TRIM14: variants seen among roughly 807,000 people sequenced by gnomAD.
TRIM14 encodes the protein tripartite motif containing 14, also known as tripartite motif-containing protein 14.
In TRIM14, 28 loss-of-function variants were observed where a neutral mutation model predicts 44.5. That is an observed-to-expected ratio of 0.63 (90% CI 0.47 to 0.86). The LOEUF is 0.86. TRIM14 is among the 40% of genes least tolerant of loss of function. The probability of loss-of-function intolerance (pLI) is 0.00; values close to 1 mark genes in which losing one functional copy is unlikely to be tolerated. For synonymous variants in TRIM14, 299 were observed against 269.2 expected (o/e 1.11, Z -1.08); for missense variants, 607 against 611.1 (o/e 0.99, Z 0.07).
chr9:98,093,555 T>C (rs557520845), intron 4 of TRIM14, among the ~76,000 whole-genome samples: 1 of 152,224 alleles, frequency 6.6e-6, no homozygotes, highest in East Asian at 1.9e-4. Flanking sequence ...CCAGGAGGCC[T>C]AGCTCCAGAG....
chr9:98,063,289 T>A, the TRIM14 span, among the ~76,000 whole-genome samples: 1 of 152,128 alleles, frequency 6.6e-6, no homozygotes, highest in African/African-American at 2.4e-5. Context: ...TCTCCCAGGC[T>A]GGAGTGGAGT....
chr9:98,036,052 T>C, the TRIM14 span, among the ~76,000 whole-genome samples: 17 of 150,852 alleles, frequency 1.1e-4, no homozygotes, highest in Admixed American at 1.1e-3. Context: ...CTACTAAAAA[T>C]ACAAAAATTA....
the TRIM14 span, among the ~76,000 whole-genome samples, chr9:98,049,069 C>T: frequency 9.3e-5 from 14 of 151,156 alleles, no homozygotes; most frequent in Admixed American, 2.6e-4. Context: ...TGGCCGGGAG[C>T]GGTGGCTCAT....
chr9:98,086,511 T>A lies in TRIM14; in HGVS notation c.*959A>T, dbSNP rs1240790301. The A allele has an allele frequency of 6.6e-6, 1 of 151,982 alleles. No individual in the cohort carries two copies. The highest frequency in any genetic ancestry group is 1.5e-5 in the Non-Finnish European group (1 of 68,046). The allele number at this position is 151,982 out of a possible 1,614,324, so 9.4% of individuals were successfully genotyped here. ...TGGGAACTTTTCAGGGTGGAGAGAG[T>A]ATAGGACAAAGCTGCCCTTCCAAAG... On this transcript the variant is annotated 3_prime_UTR_variant, in exon 6 of 6. Transcript: ENST00000341469.
chr9:98,075,488 G>C (rs1829549670), intron 6 of TRIM14: 1 of 148,828 alleles, frequency 6.7e-6, no homozygotes, highest in Admixed American at 6.7e-5. Context: ...GGGAGGGAGG[G>C]AAGGAGACAG....
rs1024666611 is a variant in TRIM14 at position 98,095,128 on chromosome 9, A to G, written c.538-99T>C. 5 of 1,450,504 alleles carry G rather than the reference A, an allele frequency of 3.4e-6. No individual in the cohort carries two copies. In the African/African-American group the frequency reaches 7.0e-5, roughly 20 times the overall value. The allele number at this position is 1,450,504 out of a possible 1,614,324, so 89.9% of individuals were successfully genotyped here. A position where few individuals can be genotyped will look rare whatever the true frequency, so the allele number is the denominator to read the frequency against. On this transcript the variant is annotated intron_variant, in intron 3 of 5. Transcript: ENST00000341469. This position sits in a 1 kb window ranked among gnomAD's most constrained non-coding sequence, Gnocchi z 4.1. The stretch of plus-strand genomic sequence containing the variant: ...GGAACAAACCCACACCAGCATGCCC[A>G]GGCTCCACGTTGGCCTGGCACCTAT...
At chr9:98,101,312 T>C (rs942760830) in intron 2 of TRIM14, among the ~76,000 whole-genome samples, 1 of 152,134 alleles carries the variant, frequency 6.6e-6, no homozygotes, top group African/African-American at 2.4e-5. Flanking sequence ...GGAAGACTTT[T>C]AAGAGACTGA....
chr9:98,052,607 A>C, the TRIM14 span, among the ~76,000 whole-genome samples: 1 of 152,186 alleles, frequency 6.6e-6, no homozygotes, highest in Non-Finnish European at 1.5e-5. Context: ...TCCTGGGTTC[A>C]AGTGATTCTC....
At chr9:98,041,974 C>T in the TRIM14 span, among the ~76,000 whole-genome samples, 2 of 151,630 alleles carry the variant, frequency 1.3e-5, no homozygotes, top group Admixed American at 6.6e-5. Context: ...AGAGCCACCG[C>T]GCCTGGCCTA....
the TRIM14 span, among the ~76,000 whole-genome samples, chr9:98,045,082 C>T: frequency 6.6e-6 from 1 of 152,036 alleles, no homozygotes; most frequent in African/African-American, 2.4e-5. Flanking sequence ...CACTGCACTC[C>T]AGCCTAGGTG....
chr9:98,090,477 C>A (rs1371674686), intron 5 of TRIM14, among the ~76,000 whole-genome samples: 1 of 150,700 alleles, frequency 6.6e-6, no homozygotes, highest in African/African-American at 2.4e-5. Flanking sequence ...ATTTCCATTT[C>A]TTGATCTGAA....
At chr9:98,055,683 A>G in the TRIM14 span, among the ~76,000 whole-genome samples, 6 of 152,176 alleles carry the variant, frequency 3.9e-5, no homozygotes, top group East Asian at 9.6e-4. Context: ...TCTAGTTCCC[A>G]GGAAAGAAGG....
chr9:98,042,280 C>A, the TRIM14 span, among the ~76,000 whole-genome samples: 1 of 131,610 alleles, frequency 7.6e-6, no homozygotes, highest in African/African-American at 3.3e-5. Context: ...GCGAACGTGC[C>A]AGACTCTGTC....
the TRIM14 span, among the ~76,000 whole-genome samples, chr9:98,052,998 G>T: frequency 3.3e-5 from 5 of 152,146 alleles, no homozygotes; most frequent in Non-Finnish European, 5.9e-5. Flanking sequence ...TCTCCCCAAA[G>T]GTAGTTCAGC....
chr9:98,087,358 G>C lies in TRIM14; in HGVS notation c.*112C>G. ...ATTGGTCGGGGAAAGCTGGGGCAGG[G>C]AGAGGGCCCTAAGAAGCAGGCAGTA... On this transcript the variant is annotated 3_prime_UTR_variant, in exon 6 of 6. Coordinates refer to ENST00000341469, the MANE Select transcript of TRIM14 (RefSeq NM_014788.4). 2.7e-6 allele frequency: 4 copies of C among 1,493,336 alleles called. No individual in the cohort carries two copies. Among genetic ancestry groups the C allele is most frequent in the Non-Finnish European group, 3.7e-6 (4 of 1,070,656 alleles). 92.5% of individuals were successfully genotyped at this position (1,493,336 alleles called of 1,614,324 possible).
At chr9:98,099,802 G>A in intron 3 of TRIM14, 129 bp downstream of exon 3, 2 of 770,258 alleles carry the variant, frequency 2.6e-6, no homozygotes, top group East Asian at 2.7e-5. Flanking sequence ...GGGCAAGACA[G>A]TCTACATGGT....
intron 6 of TRIM14, chr9:98,075,660 G>A (rs1829559054): frequency 6.6e-6 from 1 of 152,176 alleles, no homozygotes; most frequent in Non-Finnish European, 1.5e-5. Flanking sequence ...TCACCATTCA[G>A]AGACATTGAT....
At chr9:98,092,549 C>T (rs1213665506) in intron 4 of TRIM14, 1 of 374,990 alleles carries the variant, frequency 2.7e-6, no homozygotes, top group Non-Finnish European at 5.5e-6. Context: ...ATCACAGGGG[C>T]CTGTAGAGAT....
downstream of TRIM14, among the ~76,000 whole-genome samples, chr9:98,069,110 A>C (rs897926124): frequency 1.3e-5 from 2 of 152,220 alleles, no homozygotes; most frequent in African/African-American, 4.8e-5. Flanking sequence ...AGAAATGAAA[A>C]CTTAACATTC....
Sources: gnomAD v4.1 joint callset for allele counts (sites outside exome capture counted in the v4.1 genomes callset) on GRCh38, gnomAD v4.1.1 for gene constraint, Gnocchi (gnomAD v3.1) non-coding constraint, MANE v1.5 for transcripts, NCBI Gene and HGNC (gene_info 2026-07-23, HGNC 2026-07-21) for gene names.